PCDHGB7: variants seen among roughly 807,000 people sequenced by gnomAD.
PCDHGB7 encodes the protein protocadherin gamma subfamily B, 7, also known as protocadherin gamma-B7.
In PCDHGB7, 37 loss-of-function variants were observed where a neutral mutation model predicts 61.4. The observed-to-expected ratio is 0.60, with a 90% CI of 0.46 to 0.79. The LOEUF (loss-of-function observed/expected upper bound fraction) is 0.79. PCDHGB7 is among the 30% of genes least tolerant of loss of function. The probability of loss-of-function intolerance (pLI) is 0.00; values close to 1 mark genes in which losing one functional copy is unlikely to be tolerated. For missense variants in PCDHGB7, 1,166 were observed against 1,202.5 expected, an observed-to-expected ratio of 0.97 and a Z score of 0.45; for synonymous variants, 464 against 503.5, an observed-to-expected ratio of 0.92 and a Z score of 1.05.
rs573580017 is a variant in PCDHGB7, at chr5:141,484,867, G to T, written c.2416-9940G>T. 33 of 282,678 alleles carry T rather than the reference G, an allele frequency of 1.2e-4. No individual in the cohort carries two copies. The South Asian group carries it at 1.6e-3, about 14-fold the overall frequency. The allele number at this position is 282,678 out of a possible 1,614,324, so 17.5% of individuals were successfully genotyped here. On this transcript the variant is annotated intron_variant, in intron 1 of 3. Transcript: ENST00000398594. ...TGGGTTTTTTGGGGGGTGGGGGAGC[G>T]TGGAGGATAGGGTGGGCTTTTTCCC...
chr5:141,421,855 C>T (rs1329066630), intron 1 of PCDHGB7: 1 of 1,613,764 alleles, frequency 6.2e-7, no homozygotes, highest in East Asian at 2.2e-5. Context: ...GGCTGCTCAC[C>T]TGCTCCTCCT....
intron 2 of PCDHGB7, among the ~76,000 whole-genome samples, chr5:141,500,614 C>T (rs1300242596): frequency 1.3e-5 from 2 of 152,204 alleles, no homozygotes; most frequent in African/African-American, 4.8e-5. Context: ...TATTCCCAGT[C>T]ATACGGTACA....
intron 1 of PCDHGB7, among the ~76,000 whole-genome samples, chr5:141,448,516 A>T (rs1210489939): frequency 3.9e-5 from 6 of 152,152 alleles, no homozygotes; most frequent in Non-Finnish European, 8.8e-5. Flanking sequence ...TTATAACTTT[A>T]TTAAGCATCC....
chr5:141,489,530 G>A lies in PCDHGB7; in HGVS notation c.2416-5277G>A. 6.2e-7 allele frequency: 1 copy of A among 1,614,092 alleles called. No homozygotes were observed. Among genetic ancestry groups the A allele is most frequent in the Non-Finnish European group, 8.5e-7 (1 of 1,180,022 alleles). On this transcript the variant is annotated intron_variant, in intron 1 of 3. Transcript: ENST00000398594. This position sits in a 1 kb window ranked among gnomAD's most constrained non-coding sequence, Gnocchi z 4.5. ...AAGATTGACCGAGAAAGCCTATGTGGAGCCAGCACCAGCTGCCTGCTGCCA... is the reference window on the plus strand; with the variant it reads ...AAGATTGACCGAGAAAGCCTATGTGAAGCCAGCACCAGCTGCCTGCTGCCA...
chr5:141,487,340 G>A lies in PCDHGB7; in HGVS notation c.2416-7467G>A, dbSNP rs2099643329. 6.2e-7 allele frequency: 1 copy of A among 1,614,182 alleles called. No individual in the cohort carries two copies. Among genetic ancestry groups the A allele is most frequent in the Admixed American group, 1.7e-5 (1 of 60,024 alleles). The stretch of plus-strand genomic sequence containing the variant: ...GTGTCTTCGTGGGGCAGCCTGTGGA[G>A]TCACATGCTTTCCTGCTGGCACCTG... On this transcript the variant is annotated intron_variant, in intron 1 of 3. Coordinates refer to ENST00000398594, the MANE Select transcript of PCDHGB7 (RefSeq NM_018927.4). This position sits in a 1 kb window ranked among gnomAD's most constrained non-coding sequence, Gnocchi z 5.0.
rs1389786201 is a variant in PCDHGB7, at chr5:141,486,949, G to A, written c.2416-7858G>A. 4 of 1,614,224 alleles carry A rather than the reference G, an allele frequency of 2.5e-6. No individual in the cohort carries two copies. Among genetic ancestry groups the A allele is most frequent in the African/African-American group, 2.7e-5 (2 of 75,064 alleles). ...TTGGTGCTGGCCACCTAATCACAAA[G>A]GTGACTGCTGTGGACTTGGATTCAG... On this transcript the variant is annotated intron_variant, in intron 1 of 3. Coordinates refer to ENST00000398594, the MANE Select transcript of PCDHGB7 (RefSeq NM_018927.4). The surrounding 1 kb of genome is among the most constrained non-coding windows in gnomAD (Gnocchi z 5.0).
rs771608897 is a variant in PCDHGB7, at chr5:141,490,857, C to T, written c.2416-3950C>T. 58 of 1,613,714 alleles carry T rather than the reference C, an allele frequency of 3.6e-5. 1 individual carries two copies. The highest frequency in any genetic ancestry group is 1.8e-4 in the Admixed American group (11 of 59,992). Reference sequence around the variant, plus strand: ...AGATTGTGGTGGGGGTTCGAGACTCCGGCTCTCCCCCATTGCATGCCAACA... The same window carrying T: ...AGATTGTGGTGGGGGTTCGAGACTCTGGCTCTCCCCCATTGCATGCCAACA... On this transcript the variant is annotated intron_variant, in intron 1 of 3. Transcript: ENST00000398594. The surrounding 1 kb of genome is among the most constrained non-coding windows in gnomAD (Gnocchi z 5.4).
chr5:141,431,364 G>A lies in PCDHGB7; in HGVS notation c.2415+11090G>A. 1 of 1,614,010 alleles carries A rather than the reference G, an allele frequency of 6.2e-7. No homozygotes were observed. The highest frequency in any genetic ancestry group is 8.5e-7 in the Non-Finnish European group (1 of 1,180,022). On this transcript the variant is annotated intron_variant, in intron 1 of 3. Coordinates refer to ENST00000398594, the MANE Select transcript of PCDHGB7 (RefSeq NM_018927.4). This position sits in a 1 kb window ranked among gnomAD's most constrained non-coding sequence, Gnocchi z 4.8. ...TTGGTGCTGAAACGCGCCCTGGACCGCGAAGAAAAGGCTGCTCACCACCTG... is the reference window on the plus strand; with the variant it reads ...TTGGTGCTGAAACGCGCCCTGGACCACGAAGAAAAGGCTGCTCACCACCTG...
In PCDHGB7 at chr5:141,426,319, C is replaced by A. The variant is rs572457971; in HGVS notation, c.2415+6045C>A. On this transcript the variant is annotated intron_variant, in intron 1 of 3. Coordinates refer to ENST00000398594, the MANE Select transcript of PCDHGB7 (RefSeq NM_018927.4). ...CAGGGTGAAGCAGAGAAGCAGGACC[C>A]GGCAGTGGCAAGCACTCTTCCCTTT... 9 of 175,482 alleles carry A rather than the reference C, an allele frequency of 5.1e-5. No homozygotes were observed. In the East Asian group the frequency reaches 6.8e-4, roughly 13 times the overall value. The allele number at this position is 175,482 out of a possible 1,614,324, so 10.9% of individuals were successfully genotyped here.
intron 1 of PCDHGB7, among the ~76,000 whole-genome samples, chr5:141,435,462 T>G (rs1206913100): frequency 6.6e-6 from 1 of 152,230 alleles, no homozygotes; most frequent in Non-Finnish European, 1.5e-5. Flanking sequence ...TGTATGTGTT[T>G]CCAAGTTAGA....
intron 1 of PCDHGB7, chr5:141,426,849 G>A (rs749455878): frequency 2.4e-5 from 11 of 456,660 alleles, no homozygotes; most frequent in South Asian, 1.7e-4. Flanking sequence ...AGGCAAGAAC[G>A]CTCCAGAATT....
chr5:141,420,094 G>A lies in PCDHGB7; in HGVS notation c.2235G>A (p.Glu745=). ...CTGTGGGTCCCCCCAACTACAGTGA[G>A]GGAACGTTGCCCTATGCCTATAATT... is the stretch of plus-strand genomic sequence containing the variant. The part of the protein sequence containing the change: ...SGPVGPPNYS[E]GTLPYAYNFC... Residue 745 remains glutamate (E), a synonymous_variant, in exon 1 of 4, where the codon GAG becomes GAA. Coordinates refer to ENST00000398594, the MANE Select transcript of PCDHGB7 (RefSeq NM_018927.4). 7 of 1,614,058 alleles carry A rather than the reference G, an allele frequency of 4.3e-6. No homozygotes were observed. Among genetic ancestry groups the A allele is most frequent in the Non-Finnish European group, 5.9e-6 (7 of 1,179,882 alleles).
At chr5:141,455,605 T>C (rs930071553) in intron 1 of PCDHGB7, among the ~76,000 whole-genome samples, 2 of 152,098 alleles carry the variant, frequency 1.3e-5, no homozygotes, top group African/African-American at 4.8e-5. Flanking sequence ...TAGGGCGCCA[T>C]GGATGTTCTA....
intron 1 of PCDHGB7, chr5:141,421,478 G>C: frequency 6.2e-7 from 1 of 1,614,130 alleles, no homozygotes. Context: ...CGAAGCGGCA[G>C]CTTGATCACG....
chr5:141,494,712 C>T, intron 1 of PCDHGB7, 95 bp from the exon 2 acceptor site: 1 of 1,603,048 alleles, frequency 6.2e-7, no homozygotes, highest in Non-Finnish European at 8.5e-7. Context: ...TCTGTGCCCA[C>T]TCCCCTCCTT....
rs1464357405 is a variant in PCDHGB7 at position 141,476,385 on chromosome 5, A to G, written c.2416-18422A>G. On this transcript the variant is annotated intron_variant, in intron 1 of 3. Coordinates refer to ENST00000398594, the MANE Select transcript of PCDHGB7 (RefSeq NM_018927.4). The surrounding 1 kb of genome is among the most constrained non-coding windows in gnomAD (Gnocchi z 7.6). ...GAGACCGGAGAGATGTTTGTGAACG[A>G]CCGTCTGGATCGAGAGGAGCTGTGT... The G allele has an allele frequency of 4.3e-6, 7 of 1,614,062 alleles. No homozygotes were observed. The highest frequency in any genetic ancestry group is 5.9e-6 in the Non-Finnish European group (7 of 1,180,020).
At position 141,418,433 on chromosome 5, in the gene PCDHGB7, C is replaced by G. The variant is rs761824602; in HGVS notation, c.574C>G (p.Pro192Ala). ...AGACAATCCTGATGGTGGCAAATATCCAGAATTAGTATTGCAGAAGACTCT... is the reference window on the plus strand; with the variant it reads ...AGACAATCCTGATGGTGGCAAATATGCAGAATTAGTATTGCAGAAGACTCT... ...EKDNPDGGKY[P>A]ELVLQKTLDR... Residue 192 changes from proline to alanine, a missense_variant, in exon 1 of 4, where the codon CCA becomes GCA. Pro to Ala is a conservative substitution (Grantham distance 27). Coordinates refer to ENST00000398594, the MANE Select transcript of PCDHGB7 (RefSeq NM_018927.4). 44 of 1,613,938 alleles carry G rather than the reference C, an allele frequency of 2.7e-5. No individual in the cohort carries two copies. The highest frequency in any genetic ancestry group is 3.7e-5 in the Non-Finnish European group (44 of 1,179,874).
At chr5:141,455,740 G>C (rs2098830344) in intron 1 of PCDHGB7, among the ~76,000 whole-genome samples, 1 of 152,136 alleles carries the variant, frequency 6.6e-6, no homozygotes, top group Non-Finnish European at 1.5e-5. Context: ...GCATATCAAA[G>C]GTTGCTGGCC....
chr5:141,455,550 G>C lies in PCDHGB7; in HGVS notation c.2415+35276G>C, dbSNP rs1195359804. On this transcript the variant is annotated intron_variant, in intron 1 of 3. Transcript: ENST00000398594. ...ACCAGGCATATCATTCACGTAGCCC[G>C]AGAAAAAGCTGGCCCTCCCACCCCA... 2.0e-5 allele frequency among the ~76,000 whole-genome samples: 3 copies of C among 152,138 alleles called. No individual in the cohort carries two copies. In the South Asian group the frequency reaches 6.2e-4, roughly 32 times the overall value.
Sources: gnomAD v4.1 joint callset for allele counts (sites outside exome capture counted in the v4.1 genomes callset) on GRCh38, gnomAD v4.1.1 for gene constraint, Gnocchi (gnomAD v3.1) non-coding constraint, MANE v1.5 for transcripts, NCBI Gene and HGNC (gene_info 2026-07-23, HGNC 2026-07-21) for gene names.